The following LMNTD1 variants were observed in gnomAD, a reference collection of about 807,000 sequenced individuals.
LMNTD1 encodes the protein lamin tail domain containing 1, also known as lamin tail domain-containing protein 1.
A neutral mutation model predicts 50.9 loss-of-function variants in LMNTD1; 35 were observed. The observed-to-expected ratio is 0.69, with a 90% CI of 0.53 to 0.91. The LOEUF (loss-of-function observed/expected upper bound fraction) is 0.91, where lower values mean the gene tolerates loss of function less well. LMNTD1 is among the 40% of genes least tolerant of loss of function. LMNTD1 has a pLI of 0.00. For missense variants in LMNTD1, 470 were observed against 475.5 expected (o/e 0.99, Z 0.11); for synonymous variants, 153 against 161.9 (o/e 0.94, Z 0.42).
At chr12:25,645,332 A>G (rs928981525) in intron 1 of LMNTD1, among the ~76,000 whole-genome samples, 1 of 152,198 alleles carries the variant, frequency 6.6e-6, no homozygotes, top group African/African-American at 2.4e-5. Flanking sequence ...TGAAAGAGTG[A>G]CAGCATCAAT....
Position 25,594,651 on chromosome 12 carries a change from C to CAAAAAAAAA in LMNTD1, c.59-48106_59-48098dup, listed in dbSNP as rs61299586. On this transcript the variant is annotated intron_variant, in intron 1 of 7. Coordinates refer to the LMNTD1 transcript ENST00000445693. Reference sequence around the variant, plus strand: ...TCACAGGACCTATAAAACAGAAATACAAAAAAAAAAAAAAAAAAAAAAAAA... The same window carrying CAAAAAAAAA: ...TCACAGGACCTATAAAACAGAAATACAAAAAAAAAAAAAAAAAAAAAAAAAAAAAAAAAA... Among the ~76,000 whole-genome samples, 133 of 69,890 alleles carry CAAAAAAAAA rather than the reference C, an allele frequency of 1.9e-3. 1 individual carries two copies. Among genetic ancestry groups the CAAAAAAAAA allele is most frequent in the African/African-American group, 3.7e-3 (65 of 17,652 alleles). 45.9% of individuals were successfully genotyped at this position (69,890 alleles called of 152,430 possible). A position where few individuals can be genotyped will look rare whatever the true frequency, so the allele number is the denominator to read the frequency against.
At chr12:25,635,506 C>A (rs1198844372) in intron 1 of LMNTD1, among the ~76,000 whole-genome samples, 2 of 152,116 alleles carry the variant, frequency 1.3e-5, no homozygotes, top group Non-Finnish European at 1.5e-5. Context: ...CAAATGGAAA[C>A]ACTCCCATGC....
chr12:25,527,681 T>TACACACACAC lies in LMNTD1; in HGVS notation c.492-736_492-727dup, dbSNP rs376707066. Among the ~76,000 whole-genome samples, 40 of 32,312 alleles carry TACACACACAC rather than the reference T, an allele frequency of 1.2e-3. 1 individual carries two copies. Among genetic ancestry groups the TACACACACAC allele is most frequent in the South Asian group, 5.0e-3 (5 of 1,002 alleles). The allele number at this position is 32,312 out of a possible 152,430, so 21.2% of individuals were successfully genotyped here. A position where few individuals can be genotyped will look rare whatever the true frequency, so the allele number is the denominator to read the frequency against. On this transcript the variant is annotated intron_variant, in intron 4 of 9. Transcript: ENST00000458174. ...ATATATATATATATATATATATATATACACACACACACACACACACACACA... is the reference window on the plus strand; with the variant it reads ...ATATATATATATATATATATATATATACACACACACACACACACACACACACACACACACA...
At chr12:25,640,889 G>A (rs955857165) in intron 1 of LMNTD1, among the ~76,000 whole-genome samples, 71 of 152,104 alleles carry the variant, frequency 4.7e-4, no homozygotes, top group African/African-American at 1.6e-3. Flanking sequence ...GGATGGTCTC[G>A]ATCTCCTGAC....
intron 8 of LMNTD1, among the ~76,000 whole-genome samples, chr12:25,511,947 C>T (rs746812256): frequency 1.3e-5 from 2 of 152,148 alleles, no homozygotes; most frequent in African/African-American, 4.8e-5. Context: ...AACTCCTATT[C>T]GACCTTCAAT....
chr12:25,566,758 AATCCTATCATTGTTTGATGAT>A, intron 1 of LMNTD1, among the ~76,000 whole-genome samples: 2 of 152,242 alleles, frequency 1.3e-5, no homozygotes, highest in East Asian at 3.8e-4. Context: ...GTTGATGAAC[AATCCTATCATTGTTTGATGAT>A]AGCAACGGGC....
chr12:25,636,098 C>G (rs575939291), intron 1 of LMNTD1, among the ~76,000 whole-genome samples: 1 of 152,024 alleles, frequency 6.6e-6, no homozygotes, highest in Non-Finnish European at 1.5e-5. Flanking sequence ...ACCAAGAACC[C>G]AAAAGCAAAC....
intron 4 of LMNTD1, among the ~76,000 whole-genome samples, chr12:25,539,472 C>G: frequency 6.7e-6 from 1 of 150,258 alleles, no homozygotes. Context: ...TCCTGAATGA[C>G]TACTGGGTAC....
intron 1 of LMNTD1, among the ~76,000 whole-genome samples, chr12:25,610,875 T>C (rs1051690876): frequency 1.3e-5 from 2 of 152,278 alleles, no homozygotes; most frequent in South Asian, 2.1e-4. Context: ...GGTTTGGGCA[T>C]AAGAAATTTG....
At chr12:25,567,534 C>T (rs1419023435) in intron 1 of LMNTD1, among the ~76,000 whole-genome samples, 2 of 152,066 alleles carry the variant, frequency 1.3e-5, no homozygotes, top group East Asian at 1.9e-4. Context: ...ATTGTAATCC[C>T]CAGTGTGGAT....
intron 1 of LMNTD1, among the ~76,000 whole-genome samples, chr12:25,605,535 G>A (rs1166170345): frequency 1.3e-5 from 2 of 152,148 alleles, no homozygotes; most frequent in African/African-American, 2.4e-5. Flanking sequence ...TGTAAGGAAG[G>A]GATCCAGTTT....
chr12:25,506,365 T>G (rs370065374), intron 8 of LMNTD1, among the ~76,000 whole-genome samples: 29 of 152,330 alleles, frequency 1.9e-4, no homozygotes, highest in African/African-American at 7.0e-4. Context: ...TGAATTCCAC[T>G]GCAGTATATG....
chr12:25,634,116 T>C (rs1946774877), intron 1 of LMNTD1, among the ~76,000 whole-genome samples: 2 of 152,126 alleles, frequency 1.3e-5, no homozygotes, highest in Non-Finnish European at 2.9e-5. Context: ...AATACAACCC[T>C]TCTAGCTTAA....
chr12:25,546,385 T>C lies in LMNTD1; in HGVS notation c.480A>G (p.Gln160=), dbSNP rs773262508. 1.2e-5 allele frequency: 19 copies of C among 1,580,176 alleles called. No individual in the cohort carries two copies. The South Asian group carries it at 2.0e-4, about 16-fold the overall frequency. Residue 160 remains glutamine (Q), a synonymous_variant, in exon 4 of 10, where the codon CAA becomes CAG. Transcript: ENST00000458174. ...AATAAAATATGTACCTGGAGGTAAA[T>C]TGGCCAACTTCTTCAAGAATCATAG... The part of the protein sequence containing the change: ...YFSMILEEVG[Q]FTSSSLGDVE...
chr12:25,535,057 A>C (rs1024303385), intron 4 of LMNTD1, among the ~76,000 whole-genome samples: 2 of 152,214 alleles, frequency 1.3e-5, no homozygotes, highest in Admixed American at 6.5e-5. Context: ...CAAGGAGAAA[A>C]ATCAATAAAA....
At chr12:25,514,207 G>GCACAGA (rs1940559006) in intron 8 of LMNTD1, among the ~76,000 whole-genome samples, 1 of 152,132 alleles carries the variant, frequency 6.6e-6, no homozygotes, top group East Asian at 1.9e-4. Flanking sequence ...AGTCTAGGGA[G>GCACAGA]CACAGACCCA....
intron 1 of LMNTD1, among the ~76,000 whole-genome samples, chr12:25,609,644 C>T (rs896315083): frequency 2.0e-5 from 3 of 152,204 alleles, no homozygotes; most frequent in African/African-American, 4.8e-5. Flanking sequence ...CTGGGTATCA[C>T]CAGCGGAGGC....
intron 1 of LMNTD1, among the ~76,000 whole-genome samples, chr12:25,624,610 G>A (rs1256641084): frequency 1.2e-5 from 1 of 85,834 alleles, no homozygotes; most frequent in Admixed American, 1.3e-4. Flanking sequence ...TATCATTTGA[G>A]TAGGTAGAGT....
At chr12:25,624,438 G>T (rs911725007) in intron 1 of LMNTD1, among the ~76,000 whole-genome samples, 5 of 152,164 alleles carry the variant, frequency 3.3e-5, no homozygotes, top group African/African-American at 1.2e-4. Flanking sequence ...TTAATGTAAA[G>T]ATTAAACCAA....
Sources: gnomAD v4.1 joint callset for allele counts (sites outside exome capture counted in the v4.1 genomes callset) on GRCh38, gnomAD v4.1.1 for gene constraint, MANE v1.5 for transcripts, NCBI Gene and HGNC (gene_info 2026-07-23, HGNC 2026-07-21) for gene names.